The following FLI1 variants were observed in gnomAD, a reference collection of about 807,000 sequenced individuals.
The protein encoded by FLI1 is Fli-1 proto-oncogene, ETS transcription factor, also known as Friend leukemia integration 1 transcription factor.
A neutral mutation model predicts 53.1 loss-of-function variants in FLI1; 13 were observed. That is an observed-to-expected ratio of 0.24 (90% CI 0.16 to 0.39). The LOEUF is 0.39. Among genes scored for constraint, FLI1 ranks in the 10% least tolerant of loss-of-function variants. The pLI is 1.00. For synonymous variants in FLI1, 244 were observed against 236.7 expected (o/e 1.03, Z -0.28); for missense variants, 424 against 600.5 (o/e 0.71, Z 3.07).
In FLI1 at chr11:128,812,979, C is replaced by T. The variant is rs749669808; in HGVS notation, c.*1991C>T. On this transcript the variant is annotated 3_prime_UTR_variant, in exon 9 of 9. Transcript: ENST00000527786. ...AGTCCTTGATTTGCAAGGAATTAGA[C>T]TCACAGCATTGGTAACCCTAGAACC... The T allele has an allele frequency of 5.9e-6, 1 of 168,562 alleles. No individual in the cohort carries two copies. Among genetic ancestry groups the T allele is most frequent in the Non-Finnish European group, 1.3e-5 (1 of 77,882 alleles). The allele number at this position is 168,562 out of a possible 1,614,324, so 10.4% of individuals were successfully genotyped here.
At chr11:128,756,836 T>C (rs1940879291) in intron 1 of FLI1, among the ~76,000 whole-genome samples, 1 of 152,194 alleles carries the variant, frequency 6.6e-6, no homozygotes, top group Admixed American at 6.5e-5. Flanking sequence ...AATGGGAGAC[T>C]CTTACCCTCA....
At chr11:128,758,582 G>A (rs530885982) in intron 2 of FLI1, among the ~76,000 whole-genome samples, 99 of 152,310 alleles carry the variant, frequency 6.5e-4, no homozygotes, top group Non-Finnish European at 1.1e-3. Flanking sequence ...GGCCCCAAGC[G>A]CCTATGCAGA....
chr11:128,808,508 TACAC>T (rs1942849599), intron 7 of FLI1, among the ~76,000 whole-genome samples: 1 of 152,194 alleles, frequency 6.6e-6, no homozygotes, highest in East Asian at 1.9e-4. Flanking sequence ...AGCTAAAATG[TACAC>T]TCTGGTTTGT....
At position 128,708,282 on chromosome 11, in the gene FLI1, A is replaced by G. The variant is rs537161737; in HGVS notation, c.18+14006A>G. 3.9e-5 allele frequency among the ~76,000 whole-genome samples: 6 copies of G among 152,356 alleles called. No individual in the cohort carries two copies. The East Asian group carries it at 1.2e-3, about 29-fold the overall frequency. The stretch of plus-strand genomic sequence containing the variant: ...GTCAGTTGAGTGGTCAGTCTCATCC[A>G]AGATGGAACAGGTGGATTGGCATTT... On this transcript the variant is annotated intron_variant, in intron 1 of 8. Transcript: ENST00000527786.
intron 5 of FLI1, among the ~76,000 whole-genome samples, chr11:128,797,033 T>G (rs1300713430): frequency 6.6e-6 from 1 of 152,358 alleles, no homozygotes; most frequent in Middle Eastern, 3.4e-3. Flanking sequence ...TGAACTCACC[T>G]GTCCACTTCT....
chr11:128,788,409 C>A (rs1468168369), intron 5 of FLI1, among the ~76,000 whole-genome samples: 6 of 152,094 alleles, frequency 3.9e-5, no homozygotes, highest in Non-Finnish European at 8.8e-5. Context: ...GCGGAGGTTG[C>A]AGTGAGCGAA....
chr11:128,780,331 C>A (rs1291540319), intron 4 of FLI1, among the ~76,000 whole-genome samples: 2 of 152,238 alleles, frequency 1.3e-5, no homozygotes, highest in African/African-American at 4.8e-5. Context: ...ATAAAATTCT[C>A]TTCCTCTGCC....
chr11:128,738,991 T>C (rs1940018351), intron 1 of FLI1, among the ~76,000 whole-genome samples: 1 of 152,260 alleles, frequency 6.6e-6, no homozygotes, highest in Non-Finnish European at 1.5e-5. Context: ...TTTTCCCTTC[T>C]GTTTTCTGAT....
At chr11:128,761,858 C>G (rs1298288147) in intron 2 of FLI1, among the ~76,000 whole-genome samples, 1 of 152,124 alleles carries the variant, frequency 6.6e-6, no homozygotes. Context: ...AGAGCAGCAA[C>G]CTCTGCTTTT....
chr11:128,749,106 G>A (rs939429485), intron 1 of FLI1, among the ~76,000 whole-genome samples: 23 of 152,156 alleles, frequency 1.5e-4, no homozygotes, highest in Non-Finnish European at 2.6e-4. Flanking sequence ...GAACCTAGAA[G>A]GGTTATGCTT....
intron 2 of FLI1, among the ~76,000 whole-genome samples, chr11:128,761,535 C>T (rs1941122194): frequency 1.3e-5 from 2 of 152,220 alleles, no homozygotes; most frequent in African/African-American, 4.8e-5. Flanking sequence ...GCTGACTCAG[C>T]CCCTTCAATG....
At chr11:128,742,160 T>C (rs1940168526) in intron 1 of FLI1, among the ~76,000 whole-genome samples, 1 of 152,198 alleles carries the variant, frequency 6.6e-6, no homozygotes, top group East Asian at 1.9e-4. Flanking sequence ...ATTCCCATAA[T>C]AATCTGCGTT....
In FLI1 at chr11:128,768,151, C is replaced by T. The variant is rs1172454817; in HGVS notation, c.264C>T (p.Cys88=). The T allele has an allele frequency of 6.2e-7, 1 of 1,613,758 alleles. No homozygotes were observed. Among genetic ancestry groups the T allele is most frequent in the Non-Finnish European group, 8.5e-7 (1 of 1,179,788 alleles). The stretch of plus-strand genomic sequence containing the variant: ...CGGTGGACTGCAGCGTTAGCAAATG[C>T]AGCAAGCTGGTGGGCGGAGGCGAGT... ...ESPVDCSVSK[C]SKLVGGGESN... The change falls in exon 3 of 9, where the codon TGC becomes TGT. Residue 88 remains cysteine (C), a synonymous_variant. Coordinates refer to ENST00000527786, the MANE Select transcript of FLI1 (RefSeq NM_002017.5).
At chr11:128,754,370 A>G (rs1353346210) in intron 1 of FLI1, among the ~76,000 whole-genome samples, 4 of 152,248 alleles carry the variant, frequency 2.6e-5, no homozygotes, top group Non-Finnish European at 2.9e-5. Flanking sequence ...GGAAACAGGA[A>G]GCTCTCAGGA....
chr11:128,738,359 G>C (rs568400413), intron 1 of FLI1, among the ~76,000 whole-genome samples: 5 of 152,308 alleles, frequency 3.3e-5, no homozygotes, highest in African/African-American at 9.6e-5. Flanking sequence ...TGAAATACAA[G>C]ACAACCAAGG....
intron 1 of FLI1, among the ~76,000 whole-genome samples, chr11:128,750,045 C>T (rs544527291): frequency 1.8e-4 from 27 of 152,180 alleles, no homozygotes; most frequent in Non-Finnish European, 2.5e-4. Context: ...ATATTCTCTC[C>T]GACTGGCAAG....
upstream of FLI1, among the ~76,000 whole-genome samples, chr11:128,689,514 G>A (rs1400687259): frequency 6.6e-6 from 1 of 152,180 alleles, no homozygotes; most frequent in South Asian, 2.1e-4. Context: ...CGGACGAAAG[G>A]AGGTTGCTAG....
upstream of FLI1, among the ~76,000 whole-genome samples, chr11:128,685,262 C>T (rs1358355461): frequency 6.6e-6 from 1 of 152,228 alleles, no homozygotes; most frequent in African/African-American, 2.4e-5. Flanking sequence ...TAACTCCTCA[C>T]TGGCTGGGTT....
At chr11:128,698,809 CT>C (rs1348853821) in intron 1 of FLI1, among the ~76,000 whole-genome samples, 2 of 151,854 alleles carry the variant, frequency 1.3e-5, no homozygotes, top group African/African-American at 2.4e-5. Flanking sequence ...AAAGACACCT[CT>C]GGTATTTAAT....
Sources: allele counts gnomAD v4.1 joint callset (sites outside exome capture counted in the v4.1 genomes callset), GRCh38; gene constraint gnomAD v4.1.1; transcripts MANE v1.5; gene names NCBI Gene and HGNC (gene_info 2026-07-23, HGNC 2026-07-21).